Variants in SLC24A2 observed in about 807,000 individuals in gnomAD.
SLC24A2 encodes the protein sodium/potassium/calcium exchanger 2.
In SLC24A2, 36 loss-of-function variants were observed where a neutral mutation model predicts 62.0. That is an observed-to-expected ratio of 0.58 (90% CI 0.44 to 0.77). The LOEUF is 0.77. Ranked by LOEUF, SLC24A2 falls within the 30% of genes least tolerant of loss-of-function variation. SLC24A2 has a pLI of 0.00. For synonymous variants in SLC24A2, 358 were observed against 294.0 expected, an observed-to-expected ratio of 1.22 and a Z score of -2.23; for missense variants, 846 against 817.9, an observed-to-expected ratio of 1.03 and a Z score of -0.42.
At chr9:19,767,978 C>T (rs1822571489) in intron 2 of SLC24A2, among the ~76,000 whole-genome samples, 1 of 152,152 alleles carries the variant, frequency 6.6e-6, no homozygotes, top group African/African-American at 2.4e-5. Context: ...TGGGGCATCG[C>T]ATGGTGAACG....
At chr9:20,122,904 A>G in the SLC24A2 span, among the ~76,000 whole-genome samples, 61 of 152,228 alleles carry the variant, frequency 4.0e-4, no homozygotes, top group Middle Eastern at 3.4e-3. Context: ...TCTCAGTTCA[A>G]TTTTTACTGA....
chr9:19,964,819 G>A, the SLC24A2 span, among the ~76,000 whole-genome samples: 1 of 152,208 alleles, frequency 6.6e-6, no homozygotes, highest in Admixed American at 6.5e-5. Context: ...TCTGTAGCAT[G>A]TCTGACTTCC....
chr9:20,046,751 C>G, the SLC24A2 span, among the ~76,000 whole-genome samples: 1 of 152,152 alleles, frequency 6.6e-6, no homozygotes, highest in Non-Finnish European at 1.5e-5. Flanking sequence ...CACAGTGGCC[C>G]TTACTCATCT....
At chr9:20,176,863 G>C in the SLC24A2 span, among the ~76,000 whole-genome samples, 1 of 152,024 alleles carries the variant, frequency 6.6e-6, no homozygotes, top group African/African-American at 2.4e-5. Context: ...AAAAGCTTTA[G>C]AATTCTGAGA....
the SLC24A2 span, among the ~76,000 whole-genome samples, chr9:20,011,381 T>C: frequency 1.1e-4 from 16 of 152,338 alleles, no homozygotes; most frequent in African/African-American, 3.4e-4. Flanking sequence ...CATTTTTTCA[T>C]GTGTCTTTTG....
At chr9:19,944,650 G>A in the SLC24A2 span, among the ~76,000 whole-genome samples, 3 of 152,124 alleles carry the variant, frequency 2.0e-5, no homozygotes, top group South Asian at 6.2e-4. Context: ...ATCCCATATG[G>A]GACGGTGCCT....
chr9:19,972,090 T>C, the SLC24A2 span, among the ~76,000 whole-genome samples: 5 of 152,030 alleles, frequency 3.3e-5, no homozygotes, highest in African/African-American at 1.2e-4. Context: ...GACTTTATAC[T>C]TTGTTAGCTG....
the SLC24A2 span, among the ~76,000 whole-genome samples, chr9:20,177,211 C>T: frequency 0.98 from 149,345 of 152,190 alleles, 73,341 homozygotes; most frequent in East Asian, 1. Context: ...AAGTTCATAT[C>T]TGTAGTATGA....
chr9:20,109,284 T>G, the SLC24A2 span, among the ~76,000 whole-genome samples: 12 of 152,212 alleles, frequency 7.9e-5, no homozygotes, highest in East Asian at 2.3e-3. Context: ...AACGAGATTA[T>G]GCAGAAAAAA....
At chr9:20,190,493 T>G in the SLC24A2 span, among the ~76,000 whole-genome samples, 9 of 152,248 alleles carry the variant, frequency 5.9e-5, no homozygotes, top group African/African-American at 2.2e-4. Context: ...TAACATTTAC[T>G]AAGCATCTAA....
chr9:19,576,897 A>AT lies in SLC24A2; in HGVS notation c.1228+26dup, dbSNP rs1836030639. On this transcript the variant is annotated intron_variant, in intron 6 of 10. Coordinates refer to ENST00000341998, the MANE Select transcript of SLC24A2 (RefSeq NM_020344.4). The stretch of plus-strand genomic sequence containing the variant: ...TCCCCTCGCTTCCCCCAGGAAAGGT[A>AT]TGGGGTGGATGTTTCCCTGCACTCA... 1.9e-6 allele frequency: 3 copies of AT among 1,539,430 alleles called. No homozygotes were observed. In the African/African-American group the frequency reaches 4.1e-5, roughly 21 times the overall value.
chr9:19,590,107 C>T (rs992932655), intron 5 of SLC24A2, among the ~76,000 whole-genome samples: 3 of 152,148 alleles, frequency 2.0e-5, no homozygotes, highest in African/African-American at 7.2e-5. Context: ...GAAAGACAGA[C>T]CCTACTTTAC....
the SLC24A2 span, among the ~76,000 whole-genome samples, chr9:20,244,033 T>C: frequency 1.3e-5 from 2 of 152,182 alleles, no homozygotes. Context: ...GAAACTGCGC[T>C]GGCTTCAGCA....
chr9:19,541,314 G>GT (rs1484146019), intron 8 of SLC24A2, among the ~76,000 whole-genome samples: 2 of 149,904 alleles, frequency 1.3e-5, no homozygotes, highest in African/African-American at 2.4e-5. Context: ...TTTCTGTTCT[G>GT]TTTTTTCCCC....
At chr9:19,918,520 CA>C in the SLC24A2 span, among the ~76,000 whole-genome samples, 1 of 152,250 alleles carries the variant, frequency 6.6e-6, no homozygotes, top group East Asian at 1.9e-4. Flanking sequence ...CTCCTTTCCA[CA>C]TCTCTGATTT....
At chr9:19,863,307 C>T in the SLC24A2 span, among the ~76,000 whole-genome samples, 2 of 152,032 alleles carry the variant, frequency 1.3e-5, no homozygotes, top group African/African-American at 4.8e-5. Context: ...GACTTCAATA[C>T]CCCACTTTCA....
At chr9:20,110,483 C>T in the SLC24A2 span, among the ~76,000 whole-genome samples, 1 of 151,694 alleles carries the variant, frequency 6.6e-6, no homozygotes, top group East Asian at 1.9e-4. Context: ...CTTACACTAA[C>T]TTAAGTGATT....
At chr9:19,677,537 A>C (rs926144955) in intron 2 of SLC24A2, among the ~76,000 whole-genome samples, 6 of 152,202 alleles carry the variant, frequency 3.9e-5, no homozygotes, top group Non-Finnish European at 8.8e-5. Flanking sequence ...CCATGACACA[A>C]GGTTTCCTGT....
chr9:19,588,893 G>A (rs899745748), intron 5 of SLC24A2, among the ~76,000 whole-genome samples: 8 of 152,176 alleles, frequency 5.3e-5, no homozygotes, highest in East Asian at 1.9e-4. Context: ...CCTGGGAGGC[G>A]GAGGTGGCAG....
Sources: allele counts gnomAD v4.1 joint callset (sites outside exome capture counted in the v4.1 genomes callset), GRCh38; gene constraint gnomAD v4.1.1; transcripts MANE v1.5; gene names NCBI Gene and HGNC (gene_info 2026-07-23, HGNC 2026-07-21).